Variants in PIEZO2 observed in about 807,000 individuals in gnomAD.
The protein encoded by PIEZO2 is piezo-type mechanosensitive ion channel component 2.
PIEZO2 carries 172 observed loss-of-function variants against 337.3 expected under a neutral mutation model. The observed-to-expected ratio is 0.51, with a 90% CI of 0.45 to 0.58. The LOEUF (loss-of-function observed/expected upper bound fraction) is 0.58, where lower values mean the gene tolerates loss of function less well. PIEZO2 is among the 20% of genes least tolerant of loss of function. The probability of loss-of-function intolerance (pLI) is 0.00; values close to 1 mark genes in which losing one functional copy is unlikely to be tolerated. For synonymous variants in PIEZO2, 1,251 were observed against 1,228.5 expected (o/e 1.02, Z -0.38); for missense variants, 3,028 against 3,391.3 (o/e 0.89, Z 2.66).
intron 3 of PIEZO2, among the ~76,000 whole-genome samples, chr18:10,972,149 G>T (rs1266377957): frequency 4.1e-5 from 6 of 147,718 alleles, no homozygotes; most frequent in Admixed American, 4.1e-4. Context: ...ACCCAGCCTG[G>T]GTGACAGAGC....
chr18:10,779,661 A>C (rs1412252008), intron 18 of PIEZO2, among the ~76,000 whole-genome samples: 1 of 152,246 alleles, frequency 6.6e-6, no homozygotes, highest in African/African-American at 2.4e-5. Context: ...TATTTGAAGA[A>C]AGTGATGTTT....
At chr18:10,731,625 C>T (rs1029635832) in intron 35 of PIEZO2, 104 bp from the exon 36 acceptor site, 12 of 601,848 alleles carry the variant, frequency 2.0e-5, no homozygotes, top group Middle Eastern at 2.9e-4. Flanking sequence ...CCTCCCAACA[C>T]AAACTAAACA....
intron 7 of PIEZO2, among the ~76,000 whole-genome samples, chr18:10,848,478 T>C (rs1358901776): frequency 6.6e-6 from 1 of 152,226 alleles, no homozygotes; most frequent in African/African-American, 2.4e-5. Context: ...TCATGATTTA[T>C]TGAAGTAGAT....
intron 2 of PIEZO2, among the ~76,000 whole-genome samples, chr18:11,025,975 G>A (rs1462193877): frequency 1.3e-5 from 2 of 152,144 alleles, no homozygotes; most frequent in African/African-American, 2.4e-5. Context: ...TCAGCCTCCT[G>A]ATCCTCAGGA....
intron 54 of PIEZO2, among the ~76,000 whole-genome samples, chr18:10,674,969 G>A (rs1452847186): frequency 2.6e-5 from 4 of 152,132 alleles, no homozygotes. Flanking sequence ...AAGAAATTTG[G>A]TGCGAATATA....
rs182963714 is a variant in PIEZO2 at position 10,783,620 on chromosome 18, C to A, written c.2492+1164G>T. ...ATCCATGCCCTCCTCCCTGCTGGGG[C>A]CTTGGGAGCAGAGAGGTTTTAGCAG... On this transcript the variant is annotated intron_variant, in intron 17 of 55. Coordinates refer to ENST00000674853, the MANE Select transcript of PIEZO2 (RefSeq NM_001378183.1). The surrounding 1 kb of genome is among the most constrained non-coding windows in gnomAD (Gnocchi z 4.3). 2.3e-3 allele frequency among the ~76,000 whole-genome samples: 356 copies of A among 152,238 alleles called. 2 individuals carry two copies. The highest frequency in any genetic ancestry group is 7.9e-3 in the African/African-American group (329 of 41,532).
chr18:11,147,777 A>G (rs1341470126), intron 1 of PIEZO2, among the ~76,000 whole-genome samples: 1 of 152,206 alleles, frequency 6.6e-6, no homozygotes, highest in Non-Finnish European at 1.5e-5. Flanking sequence ...TCCTGGGGAA[A>G]CGGTGCAACG....
Position 10,834,530 on chromosome 18 carries a change from T to C in PIEZO2, c.917+20823A>G, listed in dbSNP as rs1370425145. Among the ~76,000 whole-genome samples the C allele has an allele frequency of 1.3e-5, 2 of 152,156 alleles. No individual in the cohort carries two copies. Among genetic ancestry groups the C allele is most frequent in the East Asian group, 3.9e-4 (2 of 5,188 alleles). Reference sequence around the variant, plus strand: ...CCTCATGATGGAGTCACAGAGTCTTTTTGGGAGAATGCAACAGAATGTGAT... The same window carrying C: ...CCTCATGATGGAGTCACAGAGTCTTCTTGGGAGAATGCAACAGAATGTGAT... On this transcript the variant is annotated intron_variant, in intron 7 of 55. Transcript: ENST00000674853. This position sits in a 1 kb window ranked among gnomAD's most constrained non-coding sequence, Gnocchi z 4.5.
At position 11,002,839 on chromosome 18, in the gene PIEZO2, C is replaced by T. The variant is rs762734401; in HGVS notation, c.161-23179G>A. Among the ~76,000 whole-genome samples, 38 of 152,178 alleles carry T rather than the reference C, an allele frequency of 2.5e-4. No individual in the cohort carries two copies. The highest frequency in any genetic ancestry group is 4.6e-4 in the Non-Finnish European group (31 of 68,034). On this transcript the variant is annotated intron_variant, in intron 2 of 55. Coordinates refer to ENST00000674853, the MANE Select transcript of PIEZO2 (RefSeq NM_001378183.1). This position sits in a 1 kb window ranked among gnomAD's most constrained non-coding sequence, Gnocchi z 4.3. ...CAAGCACCCCAATAAAATGGCTTTT[C>T]TCACACATTTTCATGGTCCTCCATG...
In PIEZO2 at chr18:11,148,913, G is replaced by T. The variant is rs1269354581; in HGVS notation, c.-325C>A. Among the ~76,000 whole-genome samples, 1 of 152,146 alleles carries T rather than the reference G, an allele frequency of 6.6e-6. No individual in the cohort carries two copies. Among genetic ancestry groups the T allele is most frequent in the Admixed American group, 6.5e-5 (1 of 15,286 alleles). ...GGCGGCTTCTTCAGGGGTAGCTGAT[G>T]CCGGGGCCTTGGAGAGGGACGCTTT... On this transcript the variant is annotated 5_prime_UTR_variant, in exon 1 of 56. Transcript: ENST00000674853. The surrounding 1 kb of genome is among the most constrained non-coding windows in gnomAD (Gnocchi z 5.2).
rs533347446 is a variant in PIEZO2, at chr18:11,106,179, C to T, written c.65-39957G>A. ...TGGGCTCACTGCAAGCTCCGCCTCC[C>T]GGGTTCACGTCATTCTCCTGCCTCA... is the stretch of plus-strand genomic sequence containing the variant. On this transcript the variant is annotated intron_variant, in intron 1 of 55. Coordinates refer to ENST00000674853, the MANE Select transcript of PIEZO2 (RefSeq NM_001378183.1). Among the ~76,000 whole-genome samples the T allele has an allele frequency of 1.1e-4, 17 of 151,992 alleles. No homozygotes were observed. In the South Asian group the frequency reaches 1.7e-3, roughly 15 times the overall value.
At chr18:10,882,597 T>A (rs9946853) in intron 4 of PIEZO2, among the ~76,000 whole-genome samples, 7,651 of 152,140 alleles carry the variant, frequency 0.05, 268 homozygotes, top group Middle Eastern at 0.11. Context: ...TTTAAAACAT[T>A]TTTTCCCATC....
At chr18:11,023,542 A>T (rs1055262431) in intron 2 of PIEZO2, among the ~76,000 whole-genome samples, 2 of 152,220 alleles carry the variant, frequency 1.3e-5, no homozygotes, top group African/African-American at 4.8e-5. Flanking sequence ...CTAGACATAA[A>T]GGTTCTCCAA....
intron 3 of PIEZO2, among the ~76,000 whole-genome samples, chr18:10,971,639 TCAAGC>T (rs1451996911): frequency 6.6e-6 from 1 of 152,158 alleles, no homozygotes; most frequent in Non-Finnish European, 1.5e-5. Flanking sequence ...ATTTACCAAG[TCAAGC>T]ATATACAGTC....
intron 2 of PIEZO2, among the ~76,000 whole-genome samples, chr18:11,060,200 T>G (rs1015420444): frequency 5.9e-5 from 9 of 152,168 alleles, no homozygotes; most frequent in African/African-American, 2.2e-4. Context: ...AGATGTTCTT[T>G]GAAACCAACG....
chr18:10,726,475 C>T lies in PIEZO2; in HGVS notation c.5029+4932G>A. 2 of 1,524,032 alleles carry T rather than the reference C, an allele frequency of 1.3e-6. No homozygotes were observed. Among genetic ancestry groups the T allele is most frequent in the Non-Finnish European group, 1.8e-6 (2 of 1,141,762 alleles). The allele number at this position is 1,524,032 out of a possible 1,614,324, so 94.4% of individuals were successfully genotyped here. On this transcript the variant is annotated intron_variant, in intron 36 of 55. Coordinates refer to ENST00000674853, the MANE Select transcript of PIEZO2 (RefSeq NM_001378183.1). This position sits in a 1 kb window ranked among gnomAD's most constrained non-coding sequence, Gnocchi z 5.9. ...GCGAACCCCACGAGGAGGGCCTGGC[C>T]ACCCTGCACAGCGTGCTGCTCCGCA...
Position 10,682,360 on chromosome 18 carries a change from G to T in PIEZO2, c.7498-68C>A. Reference sequence around the variant, plus strand: ...TGCTTTCCCGCAGGCAGCGGGATTGGGGGAGAGCGAGTGCTCTTCCTGTGG... The same window carrying T: ...TGCTTTCCCGCAGGCAGCGGGATTGTGGGAGAGCGAGTGCTCTTCCTGTGG... On this transcript the variant is annotated intron_variant, in intron 49 of 55. Coordinates refer to ENST00000674853, the MANE Select transcript of PIEZO2 (RefSeq NM_001378183.1). This position sits in a 1 kb window ranked among gnomAD's most constrained non-coding sequence, Gnocchi z 5.6. 2.9e-6 allele frequency: 4 copies of T among 1,377,874 alleles called. No individual in the cohort carries two copies. In the East Asian group the frequency reaches 1.0e-4, roughly 34 times the overall value. 85.4% of individuals were successfully genotyped at this position (1,377,874 alleles called of 1,614,324 possible). A position where few individuals can be genotyped will look rare whatever the true frequency, so the allele number is the denominator to read the frequency against.
chr18:10,714,211 C>T (rs987133292), intron 39 of PIEZO2, among the ~76,000 whole-genome samples: 7 of 152,152 alleles, frequency 4.6e-5, no homozygotes, highest in Middle Eastern at 3.2e-3. Flanking sequence ...AGGTACAGTG[C>T]TTAGTGCTGG....
rs2039531400 is a variant in PIEZO2, at chr18:11,105,395, C to A, written c.65-39173G>T. The stretch of plus-strand genomic sequence containing the variant: ...AGAATATGTTCCATTTGTAATAAAT[C>A]TATGGATATGTAATAGCTCAGAAAC... On this transcript the variant is annotated intron_variant, in intron 1 of 55. Coordinates refer to ENST00000674853, the MANE Select transcript of PIEZO2 (RefSeq NM_001378183.1). The surrounding 1 kb of genome is among the most constrained non-coding windows in gnomAD (Gnocchi z 4.3). Among the ~76,000 whole-genome samples the A allele has an allele frequency of 6.6e-6, 1 of 152,170 alleles. No individual in the cohort carries two copies. The highest frequency in any genetic ancestry group is 2.4e-5 in the African/African-American group (1 of 41,438).
Sources: gnomAD v4.1 joint callset for allele counts (sites outside exome capture counted in the v4.1 genomes callset) on GRCh38, gnomAD v4.1.1 for gene constraint, Gnocchi (gnomAD v3.1) non-coding constraint, MANE v1.5 for transcripts, NCBI Gene and HGNC (gene_info 2026-07-23, HGNC 2026-07-21) for gene names.